SKAP1: variants seen among roughly 807,000 people sequenced by gnomAD.
The protein encoded by SKAP1 is src kinase-associated phosphoprotein 1.
A neutral mutation model predicts 58.5 loss-of-function variants in SKAP1; 44 were observed. The ratio of observed to expected loss-of-function variants is 0.75; its 90% CI spans 0.59 to 0.97. The LOEUF is 0.97. Ranked by LOEUF, SKAP1 falls within the 50% of genes least tolerant of loss-of-function variation. SKAP1 has a pLI of 0.00. For synonymous variants in SKAP1, 127 were observed against 149.7 expected, an observed-to-expected ratio of 0.85 and a Z score of 1.11; for missense variants, 390 against 435.2, an observed-to-expected ratio of 0.90 and a Z score of 0.92.
At chr17:48,189,592 T>A in intron 4 of SKAP1, 92 bp from the exon 5 acceptor site, 2 of 817,302 alleles carry the variant, frequency 2.4e-6, no homozygotes, top group Non-Finnish European at 4.0e-6. Context: ...AATAACAGAG[T>A]ACAAAAAGGG....
At chr17:48,431,564 T>C (rs1002083267), upstream of SKAP1, among the ~76,000 whole-genome samples, 1 of 152,196 alleles carries the variant, frequency 6.6e-6, no homozygotes, top group Non-Finnish European at 1.5e-5. Flanking sequence ...GTGAAGGGAC[T>C]TGAAAGTCAG....
At chr17:48,407,393 T>C (rs7217120) in intron 1 of SKAP1, among the ~76,000 whole-genome samples, 51,429 of 152,088 alleles carry the variant, frequency 0.34, 9,476 homozygotes, top group African/African-American at 0.48. Context: ...GCTCTCTGGA[T>C]TCACAAGCCT....
intron 4 of SKAP1, among the ~76,000 whole-genome samples, chr17:48,201,648 A>G (rs1437786975): frequency 6.6e-6 from 1 of 152,104 alleles, no homozygotes; most frequent in East Asian, 1.9e-4. Context: ...CAATCTTTCC[A>G]TCTCAGCCTC....
intron 3 of SKAP1, among the ~76,000 whole-genome samples, chr17:48,361,187 A>G (rs1391122217): frequency 6.6e-6 from 1 of 151,258 alleles, no homozygotes; most frequent in Admixed American, 6.6e-5. Context: ...TTATATCTTG[A>G]TAAGGCTGCC....
chr17:48,387,104 T>G (rs2067287502), intron 2 of SKAP1, among the ~76,000 whole-genome samples: 1 of 152,238 alleles, frequency 6.6e-6, no homozygotes, highest in African/African-American at 2.4e-5. Context: ...CAAAAATGAT[T>G]GGTTTTTCCC....
intron 4 of SKAP1, among the ~76,000 whole-genome samples, chr17:48,202,484 A>T (rs2064741036): frequency 6.6e-6 from 1 of 152,180 alleles, no homozygotes; most frequent in South Asian, 2.1e-4. Flanking sequence ...CAGAAAAATG[A>T]TGTTGGCTGT....
At chr17:48,434,451 C>T (rs778322874), upstream of SKAP1, among the ~76,000 whole-genome samples, 3 of 152,184 alleles carry the variant, frequency 2.0e-5, no homozygotes, top group Non-Finnish European at 4.4e-5. Flanking sequence ...AACTCTTCAA[C>T]TTAGGAGGGT....
chr17:48,179,716 G>A (rs1207143200), intron 9 of SKAP1, among the ~76,000 whole-genome samples: 2 of 152,122 alleles, frequency 1.3e-5, no homozygotes, highest in Admixed American at 1.3e-4. Flanking sequence ...CCAAAAAGTT[G>A]AAACTAGAGA....
intron 1 of SKAP1, among the ~76,000 whole-genome samples, chr17:48,418,688 A>C (rs572959250): frequency 6.6e-6 from 1 of 152,356 alleles, no homozygotes; most frequent in South Asian, 2.1e-4. Context: ...CAAAAACTGA[A>C]AACAATTCAT....
At chr17:48,147,727 G>A (rs2063848972) in intron 11 of SKAP1, among the ~76,000 whole-genome samples, 1 of 152,080 alleles carries the variant, frequency 6.6e-6, no homozygotes, top group Non-Finnish European at 1.5e-5. Context: ...AGCCTCTCCA[G>A]GCTGTTTTAC....
At chr17:48,224,223 T>C (rs1190207636) in intron 4 of SKAP1, among the ~76,000 whole-genome samples, 2 of 152,168 alleles carry the variant, frequency 1.3e-5, no homozygotes, top group African/African-American at 4.8e-5. Context: ...TTGGTGGATA[T>C]GTAGGTGTGG....
At chr17:48,137,397 T>G in intron 11 of SKAP1, 60 bp from the exon 12 acceptor site, 1 of 1,146,104 alleles carries the variant, frequency 8.7e-7, no homozygotes, top group African/African-American at 1.5e-5. Context: ...GCTCATTTAT[T>G]CTAGTGATTG....
At chr17:48,437,615 G>A in the SKAP1 span, among the ~76,000 whole-genome samples, 4 of 151,860 alleles carry the variant, frequency 2.6e-5, no homozygotes, top group Non-Finnish European at 5.9e-5. Context: ...GGTGGCACAC[G>A]CTTTTAGTCC....
chr17:48,385,535 A>G (rs1056788960), intron 2 of SKAP1, among the ~76,000 whole-genome samples: 2 of 152,142 alleles, frequency 1.3e-5, no homozygotes, highest in African/African-American at 4.8e-5. Context: ...TCAGTCCTCA[A>G]ATACTGTGTG....
At chr17:48,417,826 G>A (rs868562424) in intron 1 of SKAP1, among the ~76,000 whole-genome samples, 1 of 151,884 alleles carries the variant, frequency 6.6e-6, no homozygotes, top group East Asian at 1.9e-4. Flanking sequence ...ACAGCAGTGT[G>A]GATATATAAA....
intron 4 of SKAP1, among the ~76,000 whole-genome samples, chr17:48,243,412 T>A (rs945508532): frequency 4.6e-5 from 7 of 152,204 alleles, no homozygotes; most frequent in African/African-American, 1.7e-4. Context: ...TTGTTCTCTT[T>A]GTGGTTTTGA....
chr17:48,314,947 G>A (rs2066268943), intron 4 of SKAP1, among the ~76,000 whole-genome samples: 1 of 152,072 alleles, frequency 6.6e-6, no homozygotes, highest in South Asian at 2.1e-4. Flanking sequence ...AATTCCTGTT[G>A]GCTATCATAA....
At chr17:48,372,601 G>A (rs555588231) in intron 2 of SKAP1, among the ~76,000 whole-genome samples, 5 of 151,776 alleles carry the variant, frequency 3.3e-5, no homozygotes, top group African/African-American at 7.3e-5. Context: ...CACCATGCCC[G>A]GCACATGTAT....
At chr17:48,237,367 A>AAGGT (rs1206918551) in intron 4 of SKAP1, among the ~76,000 whole-genome samples, 4 of 152,204 alleles carry the variant, frequency 2.6e-5, no homozygotes, top group Non-Finnish European at 4.4e-5. Context: ...ACGTAGCTAG[A>AAGGT]AGGTGGTAGT....
Sources: allele counts gnomAD v4.1 joint callset (sites outside exome capture counted in the v4.1 genomes callset), GRCh38; gene constraint gnomAD v4.1.1; transcripts MANE v1.5; gene names NCBI Gene and HGNC (gene_info 2026-07-23, HGNC 2026-07-21).